The following ZCWPW2 variants were observed in gnomAD, a reference collection of about 807,000 sequenced individuals.
ZCWPW2 encodes zinc finger CW-type and PWWP domain containing 2, also known as zinc finger CW-type PWWP domain protein 2.
In ZCWPW2, 45 loss-of-function variants were observed where a neutral mutation model predicts 46.6. That is an observed-to-expected ratio of 0.96 (90% CI 0.76 to 1.24). ZCWPW2 has a LOEUF of 1.24. Ranked by LOEUF, ZCWPW2 falls within the 50% of genes most tolerant of loss-of-function variation. The pLI is 0.00. For synonymous variants in ZCWPW2, 152 were observed against 137.1 expected (o/e 1.11, Z -0.76); for missense variants, 429 against 403.9 (o/e 1.06, Z -0.53).
intron 1 of ZCWPW2, among the ~76,000 whole-genome samples, chr3:28,386,349 C>T (rs983050405): frequency 1.3e-5 from 2 of 152,126 alleles, no homozygotes; most frequent in African/African-American, 4.8e-5. Flanking sequence ...CAAAATCAGC[C>T]AGAACCTTTA....
At chr3:28,489,161 A>T (rs928739952) in intron 5 of ZCWPW2, among the ~76,000 whole-genome samples, 20 of 152,154 alleles carry the variant, frequency 1.3e-4, no homozygotes, top group Admixed American at 1.3e-4. Context: ...TTTGACAGGA[A>T]ACATAGCAAA....
intron 8 of ZCWPW2, among the ~76,000 whole-genome samples, chr3:28,516,923 G>A (rs1700588154): frequency 6.6e-6 from 1 of 152,040 alleles, no homozygotes; most frequent in Admixed American, 6.6e-5. Flanking sequence ...GAGGTGGGAG[G>A]ATCACCTGAG....
chr3:28,372,969 T>G (rs1405642489), intron 1 of ZCWPW2, among the ~76,000 whole-genome samples: 1 of 152,232 alleles, frequency 6.6e-6, no homozygotes, highest in Non-Finnish European at 1.5e-5. Context: ...TTTTTCTGGC[T>G]GCATAATATT....
chr3:28,377,010 G>C (rs1015159741), intron 1 of ZCWPW2, among the ~76,000 whole-genome samples: 1 of 151,714 alleles, frequency 6.6e-6, no homozygotes. Flanking sequence ...TATTTAGACA[G>C]TTCTAATGAA....
At chr3:28,512,178 T>C (rs1700445019) in intron 6 of ZCWPW2, among the ~76,000 whole-genome samples, 1 of 151,880 alleles carries the variant, frequency 6.6e-6, no homozygotes, top group African/African-American at 2.4e-5. Flanking sequence ...AAAAATTCTT[T>C]TTTTTTTTTT....
chr3:28,361,324 C>T (rs953093952), intron 1 of ZCWPW2, among the ~76,000 whole-genome samples: 3 of 152,142 alleles, frequency 2.0e-5, no homozygotes, highest in South Asian at 4.1e-4. Context: ...TGGATATTCA[C>T]ATGCGAAAGA....
chr3:28,477,552 AG>A (rs1384808355), intron 4 of ZCWPW2, among the ~76,000 whole-genome samples: 7 of 152,208 alleles, frequency 4.6e-5, no homozygotes, highest in African/African-American at 1.7e-4. Context: ...GAAGTCAGAA[AG>A]TAGTAAATCA....
rs543640238 is a variant in ZCWPW2 at position 28,369,342 on chromosome 3, T to C, written c.-134+20139T>C. Among the ~76,000 whole-genome samples, 142 of 152,300 alleles carry C rather than the reference T, an allele frequency of 9.3e-4. 1 individual carries two copies. Among genetic ancestry groups the C allele is most frequent in the Non-Finnish European group, 7.2e-4 (49 of 68,016 alleles). On this transcript the variant is annotated intron_variant, in intron 1 of 9. Transcript: ENST00000383768. ...CGTACAGATGGGGTTTTGGTGTGGA[T>C]GTCCTTTCTGTTTGTTAGTTTTCCT...
intron 6 of ZCWPW2, among the ~76,000 whole-genome samples, chr3:28,501,781 G>A (rs982068511): frequency 1.2e-4 from 18 of 151,880 alleles, no homozygotes; most frequent in African/African-American, 4.4e-4. Context: ...TTTGAGACAA[G>A]GCTGTCGCCC....
intron 5 of ZCWPW2, among the ~76,000 whole-genome samples, chr3:28,479,158 C>T (rs1256161006): frequency 6.6e-6 from 1 of 152,070 alleles, no homozygotes; most frequent in Non-Finnish European, 1.5e-5. Context: ...TGCAGGAGTT[C>T]TTGTTAGCAC....
chr3:28,422,197 A>C (rs1451095852), intron 3 of ZCWPW2, among the ~76,000 whole-genome samples: 4 of 152,114 alleles, frequency 2.6e-5, no homozygotes, highest in Non-Finnish European at 4.4e-5. Context: ...ATGAAACAGC[A>C]TTCACTTATC....
intron 3 of ZCWPW2, among the ~76,000 whole-genome samples, chr3:28,422,161 C>G (rs890868955): frequency 1.3e-5 from 2 of 152,080 alleles, no homozygotes; most frequent in South Asian, 4.1e-4. Flanking sequence ...ATATCCCACA[C>G]TGGTGTGGTA....
At chr3:28,417,752 C>G (rs1325118015) in intron 3 of ZCWPW2, among the ~76,000 whole-genome samples, 1 of 93,084 alleles carries the variant, frequency 1.1e-5, no homozygotes, top group African/African-American at 4.4e-5. Context: ...TAAACAGAAC[C>G]AAAGACAGAA....
At chr3:28,450,960 C>A (rs1698202920) in intron 4 of ZCWPW2, among the ~76,000 whole-genome samples, 1 of 152,114 alleles carries the variant, frequency 6.6e-6, no homozygotes, top group Non-Finnish European at 1.5e-5. Context: ...CATTTGACAC[C>A]CTTATTGTAG....
chr3:28,422,876 G>A (rs1464211311), intron 3 of ZCWPW2, among the ~76,000 whole-genome samples: 2 of 152,156 alleles, frequency 1.3e-5, no homozygotes, highest in Middle Eastern at 3.4e-3. Context: ...CCAGCATTTG[G>A]TGTTACCTGA....
intron 2 of ZCWPW2, among the ~76,000 whole-genome samples, chr3:28,401,072 G>A (rs367893603): frequency 2.9e-4 from 44 of 152,074 alleles, no homozygotes; most frequent in South Asian, 1.5e-3. Context: ...CCAGCTACTC[G>A]GGAGGCTGAG....
chr3:28,387,335 G>C (rs1695315954), intron 1 of ZCWPW2, among the ~76,000 whole-genome samples: 1 of 151,976 alleles, frequency 6.6e-6, no homozygotes, highest in Non-Finnish European at 1.5e-5. Context: ...ACAGATCTGA[G>C]GGTACTATTT....
intron 1 of ZCWPW2, among the ~76,000 whole-genome samples, chr3:28,370,352 A>G (rs1705282812): frequency 6.6e-6 from 1 of 152,240 alleles, no homozygotes; most frequent in Admixed American, 6.5e-5. Flanking sequence ...AGATCTAAAT[A>G]GCTAGCAGTT....
At chr3:28,432,682 A>C (rs909005308) in intron 3 of ZCWPW2, among the ~76,000 whole-genome samples, 2 of 152,168 alleles carry the variant, frequency 1.3e-5, no homozygotes, top group African/African-American at 4.8e-5. Flanking sequence ...ACAAGATGAT[A>C]ATTTTGATTT....
Sources: gnomAD v4.1 joint callset for allele counts (sites outside exome capture counted in the v4.1 genomes callset) on GRCh38, gnomAD v4.1.1 for gene constraint, MANE v1.5 for transcripts, NCBI Gene and HGNC (gene_info 2026-07-23, HGNC 2026-07-21) for gene names.